TMEM94: variants seen among roughly 807,000 people sequenced by gnomAD.
TMEM94 encodes transmembrane protein 94, also known as ER Mg2+ ATPase.
In TMEM94, 81 loss-of-function variants were observed where a neutral mutation model predicts 158.6. The observed-to-expected ratio is 0.51, with a 90% CI of 0.43 to 0.61. TMEM94 has a LOEUF of 0.61. Ranked by LOEUF, TMEM94 falls within the 20% of genes least tolerant of loss-of-function variation. The pLI is 0.00. For synonymous variants in TMEM94, 751 were observed against 730.7 expected (o/e 1.03, Z -0.45); for missense variants, 1,435 against 1,762.0 (o/e 0.81, Z 3.32).
At chr17:75,476,416 C>T in intron 2 of TMEM94, 1 of 979,748 alleles carries the variant, frequency 1.0e-6, no homozygotes, top group Non-Finnish European at 1.4e-6. Context: ...CTTCTCTTTC[C>T]TCTTCTCCCC....
intron 2 of TMEM94, among the ~76,000 whole-genome samples, chr17:75,473,451 C>A (rs1178174481): frequency 6.6e-6 from 1 of 152,184 alleles, no homozygotes; most frequent in African/African-American, 2.4e-5. Flanking sequence ...AATGCGGTGG[C>A]CTGCCTGGGT....
At chr17:75,476,287 T>G (rs1240628531) in intron 2 of TMEM94, among the ~76,000 whole-genome samples, 2 of 152,308 alleles carry the variant, frequency 1.3e-5, no homozygotes, top group South Asian at 4.1e-4. Flanking sequence ...ATATCCTGGC[T>G]GCATGGTGCC....
chr17:75,482,520 ATATATATGTATGTATGTATG>A (rs1167655430), intron 2 of TMEM94, among the ~76,000 whole-genome samples: 5 of 111,048 alleles, frequency 4.5e-5, no homozygotes, highest in South Asian at 3.1e-4. Flanking sequence ...TTAAAAATAT[ATATATATGTATGTATGTATG>A]TATGTATGTA....
At position 75,492,834 on chromosome 17, in the gene TMEM94, T is replaced by C; in HGVS notation, c.1912+45T>C. 1 of 1,585,422 alleles carries C rather than the reference T, an allele frequency of 6.3e-7. No homozygotes were observed. ...GGGATGGCTGGCTGGACCCGCCTCCTAGAAGAGGCCCAGTACCAACTCCTC... is the reference window on the plus strand; with the variant it reads ...GGGATGGCTGGCTGGACCCGCCTCCCAGAAGAGGCCCAGTACCAACTCCTC... On this transcript the variant is annotated intron_variant, in intron 15 of 31. Transcript: ENST00000314256. This position sits in a 1 kb window ranked among gnomAD's most constrained non-coding sequence, Gnocchi z 4.4.
At chr17:75,461,766 T>A (rs1204469865) in intron 1 of TMEM94, among the ~76,000 whole-genome samples, 2 of 151,278 alleles carry the variant, frequency 1.3e-5, no homozygotes, top group East Asian at 4.1e-4. Context: ...TACTAAAAAT[T>A]AGCTGGGCGT....
rs376628293 is a variant in TMEM94 at position 75,495,424 on chromosome 17, G to T, written c.2844+25G>T. On this transcript the variant is annotated intron_variant, in intron 21 of 31. Coordinates refer to ENST00000314256, the MANE Select transcript of TMEM94 (RefSeq NM_014738.6). This position sits in a 1 kb window ranked among gnomAD's most constrained non-coding sequence, Gnocchi z 5.6. ...GGTACGATGGCAGGATCTGTCTCACGTGTTCCTGTAGTGGTCCCATAGCTG... is the reference window on the plus strand; with the variant it reads ...GGTACGATGGCAGGATCTGTCTCACTTGTTCCTGTAGTGGTCCCATAGCTG... 6.2e-7 allele frequency: 1 copy of T among 1,600,578 alleles called. No homozygotes were observed.
intron 1 of TMEM94, among the ~76,000 whole-genome samples, chr17:75,468,556 T>G (rs1373681931): frequency 6.6e-6 from 1 of 152,160 alleles, no homozygotes; most frequent in African/African-American, 2.4e-5. Flanking sequence ...CAGGATCCCA[T>G]TTCAGTTGGC....
In TMEM94 at chr17:75,498,791, C is replaced by A. The variant is rs1050002757; in HGVS notation, c.3827+69C>A. 1.3e-6 allele frequency: 2 copies of A among 1,527,240 alleles called. No individual in the cohort carries two copies. 94.6% of individuals were successfully genotyped at this position (1,527,240 alleles called of 1,614,324 possible). A position where few individuals can be genotyped will look rare whatever the true frequency, so the allele number is the denominator to read the frequency against. On this transcript the variant is annotated intron_variant, in intron 30 of 31. Coordinates refer to ENST00000314256, the MANE Select transcript of TMEM94 (RefSeq NM_014738.6). This position sits in a 1 kb window ranked among gnomAD's most constrained non-coding sequence, Gnocchi z 6.7. ...AGAGGGCCTTCTGCAGGGCTAGGAT[C>A]GGAGGGCGGGACCGGGGCCAGTGGT...
At chr17:75,493,657 A>G (rs764316515) in intron 17 of TMEM94, 42 bp from the exon 18 acceptor site, 2 of 1,612,448 alleles carry the variant, frequency 1.2e-6, no homozygotes, top group East Asian at 4.5e-5. Context: ...TGCCCTTCAC[A>G]GGCAGGAACA....
rs761664244 is a variant in TMEM94, at chr17:75,498,969, C to T, written c.3885C>T (p.Asp1295=). 17 of 1,593,832 alleles carry T rather than the reference C, an allele frequency of 1.1e-5. No individual in the cohort carries two copies. The highest frequency in any genetic ancestry group is 1.3e-5 in the Non-Finnish European group (15 of 1,170,108). The change falls in exon 31 of 32, where the codon GAC becomes GAT. Residue 1295 remains aspartate, a synonymous_variant. Transcript: ENST00000314256. The surrounding 1 kb of genome is among the most constrained non-coding windows in gnomAD (Gnocchi z 6.7). ...ACCTGCAGCTGTGGACACACAGGGACAGCCACGTCCACTTTGGCCTGGAGG... is the reference window on the plus strand; with the variant it reads ...ACCTGCAGCTGTGGACACACAGGGATAGCCACGTCCACTTTGGCCTGGAGG... The part of the protein sequence containing the change: ...AVDLQLWTHR[D]SHVHFGLEDV...
chr17:75,472,221 C>T (rs753214614), intron 2 of TMEM94, among the ~76,000 whole-genome samples: 2 of 152,248 alleles, frequency 1.3e-5, no homozygotes, highest in Non-Finnish European at 2.9e-5. Context: ...CAGGGGTGTG[C>T]AATTTAGTTT....
chr17:75,486,438 G>A lies in TMEM94; in HGVS notation c.409+12G>A. On this transcript the variant is annotated intron_variant, in intron 5 of 31. Transcript: ENST00000314256. ...TGACCAAATCCAAGGTGAGGTCAAG[G>A]GCAGGCATATTGGTGGGAAAAGATG... 1 of 1,614,186 alleles carries A rather than the reference G, an allele frequency of 6.2e-7. No homozygotes were observed.
At position 75,484,876 on chromosome 17, in the gene TMEM94, A is replaced by G. The variant is rs184536127; in HGVS notation, c.25-552A>G. On this transcript the variant is annotated intron_variant, in intron 2 of 31. Coordinates refer to ENST00000314256, the MANE Select transcript of TMEM94 (RefSeq NM_014738.6). Reference sequence around the variant, plus strand: ...ACATGATGAAACCTCGTCTCCACTAAAAGTACAAAAAATTAGCCCGACATG... The same window carrying G: ...ACATGATGAAACCTCGTCTCCACTAGAAGTACAAAAAATTAGCCCGACATG... Among the ~76,000 whole-genome samples, 44 of 152,098 alleles carry G rather than the reference A, an allele frequency of 2.9e-4. 2 individuals carry two copies. The East Asian group carries it at 7.2e-3, about 25-fold the overall frequency.
At chr17:75,463,071 TATATATATACAC>T (rs1418463166) in intron 1 of TMEM94, among the ~76,000 whole-genome samples, 3 of 16,162 alleles carry the variant, frequency 1.9e-4, no homozygotes, top group African/African-American at 1.6e-3. Context: ...TATATATATA[TATATATATACAC>T]ACACACACAC....
chr17:75,498,027 A>G lies in TMEM94; in HGVS notation c.3490-148A>G. The G allele has an allele frequency of 8.3e-7, 1 of 1,204,080 alleles. No homozygotes were observed. Among genetic ancestry groups the G allele is most frequent in the Non-Finnish European group, 1.2e-6 (1 of 851,220 alleles). 74.6% of individuals were successfully genotyped at this position (1,204,080 alleles called of 1,614,324 possible). On this transcript the variant is annotated intron_variant, in intron 27 of 31. Coordinates refer to ENST00000314256, the MANE Select transcript of TMEM94 (RefSeq NM_014738.6). The surrounding 1 kb of genome is among the most constrained non-coding windows in gnomAD (Gnocchi z 6.7). Reference sequence around the variant, plus strand: ...CAGATCAAAGAGGAGGTAGTGGCACAGAGCTGGGAAAGACCCTTGCTGGGG... The same window carrying G: ...CAGATCAAAGAGGAGGTAGTGGCACGGAGCTGGGAAAGACCCTTGCTGGGG...
chr17:75,481,593 G>A (rs993126532), intron 2 of TMEM94, among the ~76,000 whole-genome samples: 6 of 152,240 alleles, frequency 3.9e-5, no homozygotes, highest in Non-Finnish European at 2.9e-5. Flanking sequence ...GAGGGGGTAT[G>A]TGTGGAGACA....
Position 75,492,255 on chromosome 17 carries a change from G to C in TMEM94, c.1597-219G>C, listed in dbSNP as rs908670750. ...TCTTTTTAGCTCCTGCCAGTGTCAT[G>C]AGATATATTAATAGTCCATAGAAGC... is the stretch of plus-strand genomic sequence containing the variant. On this transcript the variant is annotated intron_variant, in intron 14 of 31. Coordinates refer to ENST00000314256, the MANE Select transcript of TMEM94 (RefSeq NM_014738.6). This position sits in a 1 kb window ranked among gnomAD's most constrained non-coding sequence, Gnocchi z 4.4. 1.4e-6 allele frequency: 2 copies of C among 1,423,674 alleles called. No individual in the cohort carries two copies. Among genetic ancestry groups the C allele is most frequent in the South Asian group, 3.1e-5 (2 of 64,110 alleles). The allele number at this position is 1,423,674 out of a possible 1,614,324, so 88.2% of individuals were successfully genotyped here.
At position 75,494,167 on chromosome 17, in the gene TMEM94, G is replaced by A. The variant is rs138255745; in HGVS notation, c.2407+251G>A. Among the ~76,000 whole-genome samples the A allele has an allele frequency of 8.6e-3, 1,312 of 152,296 alleles. 19 individuals carry two copies. The highest frequency in any genetic ancestry group is 0.011 in the Non-Finnish European group (775 of 68,016). ...TGGTTGTGATGCTCAAGTGGGTTAC[G>A]TGTATCAGAATGCTTTCCTGGGAAG... is the stretch of plus-strand genomic sequence containing the variant. On this transcript the variant is annotated intron_variant, in intron 18 of 31. Transcript: ENST00000314256.
At position 75,486,294 on chromosome 17, in the gene TMEM94, G is replaced by A; in HGVS notation, c.277G>A (p.Gly93Arg). ...CCGGQPAGSR[G>R]VGLVNASALF... is the part of the protein sequence containing the mutation. ...GCCTCTCTTTCCTCCCACCAGCCGT[G>A]GGGTGGGGCTGGTGAATGCCTCGGC... Residue 93 changes from glycine to arginine, a missense_variant, in exon 5 of 32, where the codon GGG becomes AGG. By Grantham distance (125) the Gly-to-Arg change is moderately radical. This residue lies in a region of TMEM94 where 1,051 missense variants were observed against 1,254.4 expected (regional missense o/e 0.84). Coordinates refer to ENST00000314256, the MANE Select transcript of TMEM94 (RefSeq NM_014738.6). 6.2e-7 allele frequency: 1 copy of A among 1,614,102 alleles called. No individual in the cohort carries two copies.
Sources: gnomAD v4.1 joint callset for allele counts (sites outside exome capture counted in the v4.1 genomes callset) on GRCh38, gnomAD v4.1.1 for gene constraint, gnomAD v4.1.1 regional missense constraint, Gnocchi (gnomAD v3.1) non-coding constraint, MANE v1.5 for transcripts, NCBI Gene and HGNC (gene_info 2026-07-23, HGNC 2026-07-21) for gene names.